The following ZNF69 variants were observed in gnomAD, a reference collection of about 807,000 sequenced individuals.
ZNF69 encodes zinc finger protein 69.
ZNF69 carries 47 observed loss-of-function variants against 50.9 expected under a neutral mutation model. The observed-to-expected ratio is 0.92, with a 90% CI of 0.73 to 1.18. The LOEUF (loss-of-function observed/expected upper bound fraction) is 1.18. Ranked by LOEUF, ZNF69 falls within the 50% of genes most tolerant of loss-of-function variation. The pLI, the probability that ZNF69 is intolerant of heterozygous loss-of-function variation, is 0.00. For synonymous variants in ZNF69, 216 were observed against 223.1 expected (o/e 0.97, Z 0.29); for missense variants, 717 against 675.1 (o/e 1.06, Z -0.69).
the ZNF69 span, among the ~76,000 whole-genome samples, chr19:11,941,600 G>A: frequency 1.8e-4 from 27 of 152,284 alleles, no homozygotes; most frequent in Admixed American, 2.6e-4. Context: ...GTGCGGGGCC[G>A]CCAAGCCCAC....
At chr19:11,939,983 G>C in the ZNF69 span, 1 of 150,914 alleles carries the variant, frequency 6.6e-6, no homozygotes, top group African/African-American at 2.4e-5. Flanking sequence ...GCAGGCTGGA[G>C]TTCAGTGGCA....
At chr19:11,903,039 A>C (rs1419179424) in intron 1 of ZNF69, among the ~76,000 whole-genome samples, 1 of 152,158 alleles carries the variant, frequency 6.6e-6, no homozygotes, top group Non-Finnish European at 1.5e-5. Flanking sequence ...CAGGAGGCTG[A>C]GGCATGAGAA....
chr19:11,978,528 T>C, the ZNF69 span: 4 of 1,614,220 alleles, frequency 2.5e-6, no homozygotes, highest in Admixed American at 3.3e-5. Context: ...ACCTTATAAA[T>C]GTAAGTTTTG....
the ZNF69 span, chr19:11,948,628 AC>A: frequency 6.2e-7 from 1 of 1,609,970 alleles, no homozygotes; most frequent in Non-Finnish European, 8.5e-7. Context: ...CTGTGGAAAA[AC>A]CTTTATTTTC....
At chr19:11,954,741 A>G in the ZNF69 span, among the ~76,000 whole-genome samples, 1 of 151,954 alleles carries the variant, frequency 6.6e-6, no homozygotes, top group East Asian at 1.9e-4. Flanking sequence ...GGAGAACCAA[A>G]GCCTGGGAGG....
chr19:11,887,884 G>A lies in ZNF69; in HGVS notation c.-40G>A, dbSNP rs775794036. The A allele has an allele frequency of 6.3e-7, 1 of 1,595,746 alleles. No individual in the cohort carries two copies. The highest frequency in any genetic ancestry group is 8.6e-7 in the Non-Finnish European group (1 of 1,166,662). ...TCTTTCCAGCCCCGAGAGGGACCTGGTTCCTCTGCCCAGGCTTCTGTCACT... is the reference window on the plus strand; with the variant it reads ...TCTTTCCAGCCCCGAGAGGGACCTGATTCCTCTGCCCAGGCTTCTGTCACT... On this transcript the variant is annotated 5_prime_UTR_variant, in exon 1 of 4. Transcript: ENST00000429654.
chr19:11,899,969 T>C (rs1170685457), intron 1 of ZNF69, among the ~76,000 whole-genome samples: 1 of 152,160 alleles, frequency 6.6e-6, no homozygotes, highest in African/African-American at 2.4e-5. Flanking sequence ...TTTTTTCCCT[T>C]TGGAGACGGA....
chr19:11,911,490 G>T (rs1353799191), downstream of ZNF69, among the ~76,000 whole-genome samples: 1 of 152,174 alleles, frequency 6.6e-6, no homozygotes, highest in African/African-American at 2.4e-5. Flanking sequence ...ATACTATGCA[G>T]CCATAAAAAA....
chr19:11,927,422 TTAAATAAATAAATAAATAAATAAA>T, the ZNF69 span, among the ~76,000 whole-genome samples: 10 of 143,040 alleles, frequency 7.0e-5, no homozygotes, highest in African/African-American at 2.6e-4. Flanking sequence ...CTGTCTCTAT[TTAAATAAATAAATAAATAAATAAA>T]TAAATAAATA....
the ZNF69 span, among the ~76,000 whole-genome samples, chr19:11,974,110 TTTCTTTCTTTCTTTCTTTTC>T: frequency 0.014 from 1,388 of 101,012 alleles, 22 homozygotes; most frequent in Non-Finnish European, 0.014. Context: ...TCTTTCTTTC[TTTCTTTCTTTCTTTCTTTTC>T]TTTCTTTCTT....
chr19:11,968,549 T>C, the ZNF69 span, among the ~76,000 whole-genome samples: 1 of 152,200 alleles, frequency 6.6e-6, no homozygotes, highest in Non-Finnish European at 1.5e-5. Context: ...GATAACAACT[T>C]AATTTGTAGT....
At chr19:11,892,630 T>C (rs1977123757) in intron 1 of ZNF69, among the ~76,000 whole-genome samples, 1 of 151,778 alleles carries the variant, frequency 6.6e-6, no homozygotes, top group South Asian at 2.1e-4. Flanking sequence ...AAAAAAAAAG[T>C]GAAGAGGGAA....
downstream of ZNF69, among the ~76,000 whole-genome samples, chr19:11,907,072 G>T (rs776453864): frequency 2.0e-5 from 3 of 152,104 alleles, no homozygotes; most frequent in Non-Finnish European, 4.4e-5. Context: ...GGAAGAAAAG[G>T]TATCAGTAAT....
rs760759337 is a variant in ZNF69, at chr19:11,905,055, T to C, written c.658T>C (p.Tyr220His). Residue 220 changes from tyrosine (Y) to histidine (H), a missense_variant, in exon 4 of 4, where the codon TAT (tyrosine) becomes CAT (histidine). Coordinates refer to ENST00000429654, the MANE Select transcript of ZNF69 (RefSeq NM_001364730.1). ...HVVMHSGDGP[Y>H]KCKFCGKAFH... The stretch of plus-strand genomic sequence containing the variant: ...GGTAATGCACAGTGGGGATGGACCT[T>C]ATAAATGTAAATTTTGTGGGAAAGC... 6.2e-7 allele frequency: 1 copy of C among 1,614,190 alleles called. No individual in the cohort carries two copies. Among genetic ancestry groups the C allele is most frequent in the Non-Finnish European group, 8.5e-7 (1 of 1,180,036 alleles).
At chr19:11,965,194 T>C in the ZNF69 span, 3 of 1,614,032 alleles carry the variant, frequency 1.9e-6, no homozygotes, top group Non-Finnish European at 2.5e-6. Context: ...CCCCAGGACA[T>C]CTGAAAGCCA....
chr19:11,896,072 A>C (rs1042162832), intron 1 of ZNF69, among the ~76,000 whole-genome samples: 1 of 151,942 alleles, frequency 6.6e-6, no homozygotes, highest in Non-Finnish European at 1.5e-5. Context: ...GTACAAAATT[A>C]GTCAAGCGTG....
intron 1 of ZNF69, among the ~76,000 whole-genome samples, chr19:11,891,446 AAAGGAAGG>A (rs530974088): frequency 6.6e-6 from 1 of 151,384 alleles, no homozygotes; most frequent in Non-Finnish European, 1.5e-5. Context: ...GAAGGAAGAA[AAAGGAAGG>A]AAGGAAGGAA....
At chr19:11,921,469 C>G in the ZNF69 span, among the ~76,000 whole-genome samples, 1 of 151,686 alleles carries the variant, frequency 6.6e-6, no homozygotes, top group Non-Finnish European at 1.5e-5. Flanking sequence ...GCTCCCAGCC[C>G]TGAAATGGAA....
the ZNF69 span, among the ~76,000 whole-genome samples, chr19:11,947,920 A>G: frequency 6.6e-6 from 1 of 152,204 alleles, no homozygotes. Context: ...AGGCAGGAGG[A>G]TCACTCGAGA....
Sources: gnomAD v4.1 joint callset for allele counts (sites outside exome capture counted in the v4.1 genomes callset) on GRCh38, gnomAD v4.1.1 for gene constraint, MANE v1.5 for transcripts, NCBI Gene and HGNC (gene_info 2026-07-23, HGNC 2026-07-21) for gene names.